Variants in VMP1 observed in about 807,000 individuals in gnomAD.
The protein encoded by VMP1 is vacuole membrane protein 1.
VMP1 carries 11 observed loss-of-function variants against 56.0 expected under a neutral mutation model. The ratio of observed to expected loss-of-function variants is 0.20; its 90% CI spans 0.12 to 0.32. VMP1 has a LOEUF of 0.32. VMP1 is among the 10% of genes least tolerant of loss of function. VMP1 has a pLI of 1.00. For missense variants in VMP1, 296 were observed against 490.3 expected (o/e 0.60, Z 3.74); for synonymous variants, 149 against 165.0 (o/e 0.90, Z 0.74).
At chr17:59,773,989 A>T (rs2036530262) in intron 7 of VMP1, 104 bp downstream of exon 7, 140 of 171,246 alleles carry the variant, frequency 8.2e-4, no homozygotes, top group Middle Eastern at 2.7e-3. Flanking sequence ...CTGCTAAAGT[A>T]AAAAAAAAAA....
intron 7 of VMP1, among the ~76,000 whole-genome samples, chr17:59,798,462 G>A (rs2037523438): frequency 6.6e-6 from 1 of 152,122 alleles, no homozygotes; most frequent in Admixed American, 6.6e-5. Context: ...TTAAACTGTA[G>A]CCAACAATAC....
chr17:59,840,197 G>A lies in VMP1; in HGVS notation c.*286G>A. ...GGCCTTCTGTTTGTTACTTTCAAAAGGCCCACATGATACAATTAGAGAATT... is the reference window on the plus strand; with the variant it reads ...GGCCTTCTGTTTGTTACTTTCAAAAAGCCCACATGATACAATTAGAGAATT... On this transcript the variant is annotated 3_prime_UTR_variant, in exon 12 of 12. Transcript: ENST00000262291. 1 of 335,992 alleles carries A rather than the reference G, an allele frequency of 3.0e-6. No individual in the cohort carries two copies. Among genetic ancestry groups the A allele is most frequent in the Non-Finnish European group, 5.4e-6 (1 of 184,502 alleles). 20.8% of individuals were successfully genotyped at this position (335,992 alleles called of 1,614,324 possible).
chr17:59,792,476 TTTC>T (rs1220392733), intron 7 of VMP1, among the ~76,000 whole-genome samples: 2 of 152,184 alleles, frequency 1.3e-5, no homozygotes, highest in African/African-American at 4.8e-5. Context: ...TTTTGACTTT[TTTC>T]TTTTTTTCTT....
chr17:59,787,571 C>T (rs544026068), intron 7 of VMP1, among the ~76,000 whole-genome samples: 29 of 152,248 alleles, frequency 1.9e-4, no homozygotes, highest in Non-Finnish European at 3.7e-4. Context: ...ACTGTAATCC[C>T]AGCATTTTGG....
intron 1 of VMP1, among the ~76,000 whole-genome samples, chr17:59,724,815 A>T (rs538524944): frequency 8.6e-4 from 131 of 151,742 alleles, no homozygotes; most frequent in Middle Eastern, 3.4e-3. Flanking sequence ...AATACAAAAA[A>T]ATTAGCCGGG....
intron 7 of VMP1, among the ~76,000 whole-genome samples, chr17:59,795,185 G>A (rs898997204): frequency 1.8e-4 from 27 of 151,978 alleles, no homozygotes; most frequent in Admixed American, 4.6e-4. Flanking sequence ...ATGTTGGTCC[G>A]GCTGGTCTGG....
chr17:59,817,282 CAAAAAAAAA>C (rs1209080230), intron 9 of VMP1, among the ~76,000 whole-genome samples: 1 of 60,350 alleles, frequency 1.7e-5, no homozygotes, highest in Non-Finnish European at 3.2e-5. Flanking sequence ...AACTCTGTCT[CAAAAAAAAA>C]AAAAAAAAAA....
intron 5 of VMP1, among the ~76,000 whole-genome samples, chr17:59,745,596 C>A (rs1028383152): frequency 6.6e-6 from 1 of 152,086 alleles, no homozygotes; most frequent in African/African-American, 2.4e-5. Context: ...CATTTCTTTT[C>A]TTTTATATGT....
chr17:59,800,377 A>C (rs2037596243), intron 7 of VMP1, among the ~76,000 whole-genome samples: 1 of 152,210 alleles, frequency 6.6e-6, no homozygotes, highest in South Asian at 2.1e-4. Flanking sequence ...ATTTCTGCTT[A>C]ATAGAGTTTT....
At chr17:59,794,517 ATTTTTTTTTTTTTTTTTTTTT>A (rs71145572) in intron 7 of VMP1, among the ~76,000 whole-genome samples, 2 of 43,090 alleles carry the variant, frequency 4.6e-5, no homozygotes, top group African/African-American at 1.2e-4. Context: ...CGCGCCCTGC[ATTTTTTTTTTTTTTTTTTTTT>A]TTTTTTTTTT....
chr17:59,738,441 T>C (rs907160912), intron 4 of VMP1, among the ~76,000 whole-genome samples: 8 of 152,232 alleles, frequency 5.3e-5, no homozygotes, highest in Non-Finnish European at 4.4e-5. Context: ...CTGAAATGAC[T>C]CTAGAATGGT....
chr17:59,721,672 C>T (rs2034401429), intron 1 of VMP1, among the ~76,000 whole-genome samples: 1 of 152,016 alleles, frequency 6.6e-6, no homozygotes. Context: ...GCACTTGGTA[C>T]CCAGAAGATC....
Position 59,809,484 on chromosome 17 carries a change from A to ATTTTTT in VMP1, c.795+643_795+648dup, listed in dbSNP as rs71145575. Among the ~76,000 whole-genome samples the ATTTTTT allele has an allele frequency of 1.5e-3, 81 of 52,710 alleles. 5 individuals carry two copies. Among genetic ancestry groups the ATTTTTT allele is most frequent in the East Asian group, 2.6e-3 (5 of 1,938 alleles). 34.6% of individuals were successfully genotyped at this position (52,710 alleles called of 152,430 possible). A position where few individuals can be genotyped will look rare whatever the true frequency, so the allele number is the denominator to read the frequency against. On this transcript the variant is annotated intron_variant, in intron 8 of 11. Coordinates refer to ENST00000262291, the MANE Select transcript of VMP1 (RefSeq NM_030938.5). ...AGGCGACTGCCACCACACCCAGCTA[A>ATTTTTT]TTTTTTTTTTTTTTTTTTTTTTTTT...
intron 6 of VMP1, among the ~76,000 whole-genome samples, chr17:59,765,777 C>G (rs2036210605): frequency 6.6e-6 from 1 of 151,908 alleles, no homozygotes; most frequent in Non-Finnish European, 1.5e-5. Context: ...AGATGGGGAG[C>G]CATGAGAGGC....
At chr17:59,727,714 G>C (rs903525785) in intron 1 of VMP1, among the ~76,000 whole-genome samples, 1 of 152,136 alleles carries the variant, frequency 6.6e-6, no homozygotes, top group Non-Finnish European at 1.5e-5. Context: ...GTTTTTTATA[G>C]TTTAGGCATT....
intron 10 of VMP1, among the ~76,000 whole-genome samples, chr17:59,824,822 G>A (rs1370774821): frequency 9.2e-5 from 13 of 141,884 alleles, no homozygotes; most frequent in South Asian, 6.9e-4. Flanking sequence ...GTAGTGAGCC[G>A]AGATTGCGCC....
intron 1 of VMP1, among the ~76,000 whole-genome samples, chr17:59,724,400 G>A (rs8081395): frequency 0.41 from 62,687 of 151,752 alleles, 14,756 homozygotes; most frequent in Non-Finnish European, 0.53. Context: ...TAATAACTGG[G>A]CTAGGCACAG....
chr17:59,716,911 C>G (rs1351716912), intron 1 of VMP1, among the ~76,000 whole-genome samples: 1 of 152,318 alleles, frequency 6.6e-6, no homozygotes, highest in Admixed American at 6.5e-5. Flanking sequence ...AGCCAAATCT[C>G]CCAACTCTAG....
intron 10 of VMP1, among the ~76,000 whole-genome samples, chr17:59,825,616 G>T (rs987421006): frequency 2.0e-5 from 3 of 152,188 alleles, no homozygotes; most frequent in African/African-American, 7.2e-5. Flanking sequence ...TGTTGCCAGG[G>T]TCTTATTGGA....
Sources: gnomAD v4.1 joint callset for allele counts (sites outside exome capture counted in the v4.1 genomes callset) on GRCh38, gnomAD v4.1.1 for gene constraint, MANE v1.5 for transcripts, NCBI Gene and HGNC (gene_info 2026-07-23, HGNC 2026-07-21) for gene names.